BLACAT1: variants seen among roughly 807,000 people sequenced by gnomAD.
BLACAT1 encodes the protein BLACAT1 overlapping LEMD1 locus.
At position 205,449,321 on chromosome 1, in the gene BLACAT1, G is replaced by C. The variant is rs528847811; in HGVS notation, c.-37+6596C>G. 4.3e-4 allele frequency among the ~76,000 whole-genome samples: 65 copies of C among 152,250 alleles called. 1 individual carries two copies. The highest frequency in any genetic ancestry group is 7.5e-4 in the Non-Finnish European group (51 of 68,004). ...GTCAGCTGCAGGCATCAGCTTCAGA[G>C]AAGTGGGCTTCTAGGGCTCCTGCTA... On this transcript the variant is annotated intron_variant, in intron 1 of 1. Transcript: ENST00000629624.
At chr1:205,451,920 G>C (rs894392174) in intron 1 of BLACAT1, among the ~76,000 whole-genome samples, 10 of 152,246 alleles carry the variant, frequency 6.6e-5, no homozygotes, top group African/African-American at 2.2e-4. Context: ...GAGAGGGTAG[G>C]AGAAGCCTGA....
chr1:205,453,296 A>C lies in BLACAT1; in HGVS notation c.-37+2621T>G, dbSNP rs1666520097. On this transcript the variant is annotated intron_variant, in intron 1 of 1. Coordinates refer to ENST00000629624, the Ensembl canonical transcript of BLACAT1. Reference sequence around the variant, plus strand: ...TCCTCCAGACCTGCACTAGACCAGCAGTGTGCTTGCTACGGAGAAAGGCCA... The same window carrying C: ...TCCTCCAGACCTGCACTAGACCAGCCGTGTGCTTGCTACGGAGAAAGGCCA... 2.0e-5 allele frequency among the ~76,000 whole-genome samples: 3 copies of C among 152,298 alleles called. No individual in the cohort carries two copies. The South Asian group carries it at 6.2e-4, about 32-fold the overall frequency.
downstream of BLACAT1, among the ~76,000 whole-genome samples, chr1:205,439,264 A>C (rs1380317487): frequency 1.3e-5 from 2 of 152,122 alleles, no homozygotes; most frequent in Non-Finnish European, 2.9e-5. Context: ...TGTTCCCTTG[A>C]GGGAAGGACT....
intron 1 of BLACAT1, among the ~76,000 whole-genome samples, chr1:205,442,272 G>A (rs968203097): frequency 6.6e-6 from 1 of 152,168 alleles, no homozygotes; most frequent in Non-Finnish European, 1.5e-5. Context: ...TGCGGAAGGG[G>A]TTTGGAATAG....
chr1:205,446,142 G>T (rs1018197232), intron 1 of BLACAT1, among the ~76,000 whole-genome samples: 3 of 152,234 alleles, frequency 2.0e-5, no homozygotes, highest in Non-Finnish European at 2.9e-5. Flanking sequence ...GAAGGGACAT[G>T]AGGGCAACTT....
rs1028801464 is a variant in BLACAT1, at chr1:205,448,889, G to A, written c.-37+7028C>T. 2.6e-5 allele frequency among the ~76,000 whole-genome samples: 4 copies of A among 152,288 alleles called. No individual in the cohort carries two copies. Among genetic ancestry groups the A allele is most frequent in the Admixed American group, 1.3e-4 (2 of 15,308 alleles). Reference sequence around the variant, plus strand: ...GGTCTGGGTAAAGGAGGGCAGCGATGAGGACCTACCCTTTGTTTAGAGGGG... The same window carrying A: ...GGTCTGGGTAAAGGAGGGCAGCGATAAGGACCTACCCTTTGTTTAGAGGGG... On this transcript the variant is annotated intron_variant, in intron 1 of 1. Transcript: ENST00000629624. The surrounding 1 kb of genome is among the most constrained non-coding windows in gnomAD (Gnocchi z 4.7).
chr1:205,442,979 G>T (rs1202800957), intron 1 of BLACAT1, among the ~76,000 whole-genome samples: 2 of 152,194 alleles, frequency 1.3e-5, no homozygotes, highest in Non-Finnish European at 1.5e-5. Context: ...TGTACCAGGA[G>T]ATTAGGCAAG....
chr1:205,446,547 A>G (rs1666392407), intron 1 of BLACAT1, among the ~76,000 whole-genome samples: 2 of 152,244 alleles, frequency 1.3e-5, no homozygotes, highest in Admixed American at 1.3e-4. Flanking sequence ...ACCCGGGCAA[A>G]CTGAACAACA....
At chr1:205,447,804 C>T (rs747566066) in intron 1 of BLACAT1, among the ~76,000 whole-genome samples, 2 of 152,142 alleles carry the variant, frequency 1.3e-5, no homozygotes, top group Non-Finnish European at 2.9e-5. Context: ...CCTCTTCCCT[C>T]GTGGCCGGCA....
chr1:205,453,781 C>T (rs1666527539), intron 1 of BLACAT1, among the ~76,000 whole-genome samples: 2 of 152,154 alleles, frequency 1.3e-5, no homozygotes, highest in Non-Finnish European at 2.9e-5. Context: ...TCTTGTGTTA[C>T]AAGAATCTAG....
At chr1:205,439,994 G>T (rs1397394213) in exon 2 of BLACAT1, among the ~76,000 whole-genome samples, 1 of 152,082 alleles carries the variant, frequency 6.6e-6, no homozygotes, top group Non-Finnish European at 1.5e-5. Flanking sequence ...GTCGAGGAAG[G>T]TCCTAGAGGT....
downstream of BLACAT1, chr1:205,435,454 G>A (rs1020633187): frequency 6.6e-6 from 1 of 152,208 alleles, no homozygotes; most frequent in African/African-American, 2.4e-5. Context: ...CTACTTTTCA[G>A]CCTGGAGAAT....
intron 1 of BLACAT1, among the ~76,000 whole-genome samples, chr1:205,451,747 C>T (rs1666500388): frequency 6.8e-6 from 1 of 146,862 alleles, no homozygotes; most frequent in African/African-American, 2.5e-5. Context: ...GGAAAAGCAA[C>T]TTTTTTTTTT....
chr1:205,440,913 C>A (rs1055813484), exon 2 of BLACAT1: 1 of 152,312 alleles, frequency 6.6e-6, no homozygotes, highest in African/African-American at 2.4e-5. Flanking sequence ...GATGGAGGGG[C>A]CCTGGTTCTG....
rs1319709000 is a variant in BLACAT1, at chr1:205,448,530, G to C, written c.-37+7387C>G. ...CTCCCTCCAGGACTGGGCCCCCCAG[G>C]TTAAATTCTCTCACCATCTTCCACC... On this transcript the variant is annotated intron_variant, in intron 1 of 1. Coordinates refer to ENST00000629624, the Ensembl canonical transcript of BLACAT1. This position sits in a 1 kb window ranked among gnomAD's most constrained non-coding sequence, Gnocchi z 4.7. 2.6e-6 allele frequency: 1 copy of C among 379,530 alleles called. No individual in the cohort carries two copies. Among genetic ancestry groups the C allele is most frequent in the African/African-American group, 2.1e-5 (1 of 46,800 alleles). The allele number at this position is 379,530 out of a possible 1,614,324, so 23.5% of individuals were successfully genotyped here. A position where few individuals can be genotyped will look rare whatever the true frequency, so the allele number is the denominator to read the frequency against.
chr1:205,440,109 G>C (rs1666268745), exon 2 of BLACAT1, among the ~76,000 whole-genome samples: 1 of 152,150 alleles, frequency 6.6e-6, no homozygotes, highest in South Asian at 2.1e-4. Context: ...GAGAATCAAG[G>C]GAGGGCACGG....
chr1:205,435,036 A>AC, downstream of BLACAT1: 1 of 152,316 alleles, frequency 6.6e-6, no homozygotes, highest in South Asian at 2.1e-4. Flanking sequence ...GGCTTAGTAA[A>AC]TGGGTTCCAG....
chr1:205,444,731 G>T (rs935666791), intron 1 of BLACAT1, among the ~76,000 whole-genome samples: 2 of 152,128 alleles, frequency 1.3e-5, no homozygotes, highest in Non-Finnish European at 2.9e-5. Context: ...GCGGCAGCGG[G>T]GGTGGAAGGC....
At chr1:205,455,711 G>A (rs970416312) in intron 1 of BLACAT1, among the ~76,000 whole-genome samples, 1 of 151,968 alleles carries the variant, frequency 6.6e-6, no homozygotes, top group African/African-American at 2.4e-5. Context: ...TCGACCTAGG[G>A]CGGCGGCTGA....
Sources: allele counts gnomAD v4.1 joint callset (sites outside exome capture counted in the v4.1 genomes callset), GRCh38; gene constraint gnomAD v4.1.1; non-coding constraint Gnocchi (gnomAD v3.1); transcripts MANE v1.5; gene names NCBI Gene and HGNC (gene_info 2026-07-23, HGNC 2026-07-21).